Variants in ADARB1 observed in about 807,000 individuals in gnomAD.
The protein encoded by ADARB1 is double-stranded RNA-specific editase 1.
ADARB1 carries 10 observed loss-of-function variants against 52.4 expected under a neutral mutation model. The ratio of observed to expected loss-of-function variants is 0.19; its 90% CI spans 0.12 to 0.32. ADARB1 has a LOEUF of 0.32. ADARB1 is among the 10% of genes least tolerant of loss of function. The pLI is 1.00. For missense variants in ADARB1, 643 were observed against 922.3 expected, an observed-to-expected ratio of 0.70 and a Z score of 3.92; for synonymous variants, 349 against 371.1, an observed-to-expected ratio of 0.94 and a Z score of 0.68.
chr21:45,207,110 C>T (rs1053318329), intron 9 of ADARB1, among the ~76,000 whole-genome samples: 1 of 152,170 alleles, frequency 6.6e-6, no homozygotes, highest in African/African-American at 2.4e-5. Context: ...ACAAATGTGC[C>T]ACTGTCCTAT....
chr21:45,106,032 C>G (rs1277389191), intron 1 of ADARB1, among the ~76,000 whole-genome samples: 1 of 152,198 alleles, frequency 6.6e-6, no homozygotes, highest in Non-Finnish European at 1.5e-5. Context: ...TTTGTAAGAA[C>G]AAGCTACCCT....
chr21:45,226,516 A>C lies in ADARB1; in HGVS notation c.*4319A>C, dbSNP rs977156240. On this transcript the variant is annotated 3_prime_UTR_variant, in exon 11 of 11. Transcript: ENST00000348831. ...GAGCATGAGACGCTGTCAAATACAG[A>C]CAAAGGATTTGAGATGTTCTCAATA... 1.3e-5 allele frequency: 2 copies of C among 152,630 alleles called. No homozygotes were observed. 9.5% of individuals were successfully genotyped at this position (152,630 alleles called of 1,614,324 possible). A position where few individuals can be genotyped will look rare whatever the true frequency, so the allele number is the denominator to read the frequency against.
At chr21:45,129,605 C>T (rs923546444) in intron 2 of ADARB1, among the ~76,000 whole-genome samples, 1 of 152,258 alleles carries the variant, frequency 6.6e-6, no homozygotes, top group Non-Finnish European at 1.5e-5. Flanking sequence ...ATGTGAGCCG[C>T]TCACTGGACA....
intron 2 of ADARB1, among the ~76,000 whole-genome samples, chr21:45,159,627 C>T (rs1035083894): frequency 1.3e-5 from 2 of 152,160 alleles, no homozygotes; most frequent in Non-Finnish European, 2.9e-5. Flanking sequence ...GAGGGGTGGC[C>T]GCATCCCTCC....
intron 9 of ADARB1, among the ~76,000 whole-genome samples, chr21:45,206,337 C>T (rs1170928766): frequency 1.3e-5 from 2 of 152,100 alleles, no homozygotes; most frequent in Admixed American, 6.5e-5. Context: ...ATATCTCATC[C>T]GTAACTAAAA....
At chr21:45,144,276 TA>T (rs2089899797) in intron 2 of ADARB1, among the ~76,000 whole-genome samples, 1 of 152,238 alleles carries the variant, frequency 6.6e-6, no homozygotes, top group South Asian at 2.1e-4. Flanking sequence ...TTTCCTAAAT[TA>T]ATATTCTGGG....
chr21:45,158,996 A>AT (rs1312585099), intron 2 of ADARB1, among the ~76,000 whole-genome samples: 1 of 151,732 alleles, frequency 6.6e-6, no homozygotes, highest in Non-Finnish European at 1.5e-5. Flanking sequence ...AATAAAATTT[A>AT]TTTTTTTTCT....
At chr21:45,152,879 A>G (rs1040146566) in intron 2 of ADARB1, among the ~76,000 whole-genome samples, 2 of 147,852 alleles carry the variant, frequency 1.4e-5, no homozygotes, top group Non-Finnish European at 1.5e-5. Flanking sequence ...AATTTTAGAT[A>G]GGGGCACTTA....
At chr21:45,173,662 C>T (rs1430403600) in intron 3 of ADARB1, among the ~76,000 whole-genome samples, 1 of 150,376 alleles carries the variant, frequency 6.6e-6, no homozygotes, top group Non-Finnish European at 1.5e-5. Flanking sequence ...AAAATGTAAG[C>T]AGTAATCTAG....
rs1470472490 is a variant in ADARB1, at chr21:45,128,801, G to C, written c.-48+228G>C. On this transcript the variant is annotated intron_variant, in intron 2 of 10. Coordinates refer to ENST00000348831, the MANE Select transcript of ADARB1 (RefSeq NM_001112.4). This position sits in a 1 kb window ranked among gnomAD's most constrained non-coding sequence, Gnocchi z 4.6. The stretch of plus-strand genomic sequence containing the variant: ...CTGGGGTGGTGCCTGCTGCCCTCCA[G>C]TGGCATGTGTGGCACCTGCTGCCCT... Among the ~76,000 whole-genome samples, 1 of 152,028 alleles carries C rather than the reference G, an allele frequency of 6.6e-6. No homozygotes were observed. The highest frequency in any genetic ancestry group is 1.5e-5 in the Non-Finnish European group (1 of 68,012).
intron 9 of ADARB1, among the ~76,000 whole-genome samples, chr21:45,219,762 G>T (rs182206745): frequency 6.6e-6 from 1 of 152,140 alleles, no homozygotes; most frequent in African/African-American, 2.4e-5. Flanking sequence ...ATAAATAGGC[G>T]CTTTGTCATG....
At chr21:45,151,241 A>T (rs543683095) in intron 2 of ADARB1, among the ~76,000 whole-genome samples, 2 of 152,250 alleles carry the variant, frequency 1.3e-5, no homozygotes, top group Admixed American at 6.5e-5. Flanking sequence ...TTCCAGATAG[A>T]TGCTGAGGCA....
chr21:45,215,790 G>C (rs1256253762), intron 9 of ADARB1, among the ~76,000 whole-genome samples: 3 of 152,190 alleles, frequency 2.0e-5, no homozygotes, highest in African/African-American at 7.2e-5. Flanking sequence ...ATATTTGTCT[G>C]TAGGGATATT....
At chr21:45,121,724 T>TA (rs1400418892) in intron 1 of ADARB1, among the ~76,000 whole-genome samples, 2 of 152,176 alleles carry the variant, frequency 1.3e-5, no homozygotes, top group African/African-American at 2.4e-5. Flanking sequence ...CGTTAGTCAT[T>TA]ATAGCTATTA....
chr21:45,082,129 C>T (rs577661075), intron 1 of ADARB1, among the ~76,000 whole-genome samples: 74 of 152,278 alleles, frequency 4.9e-4, no homozygotes, highest in African/African-American at 1.6e-3. Flanking sequence ...GATGATGCCA[C>T]GTTCCAGAGG....
rs2093051188 is a variant in ADARB1, at chr21:45,225,829, G to T, written c.*3632G>T. 2 of 366,134 alleles carry T rather than the reference G, an allele frequency of 5.5e-6. No homozygotes were observed. Among genetic ancestry groups the T allele is most frequent in the Non-Finnish European group, 4.9e-6 (1 of 205,758 alleles). The allele number at this position is 366,134 out of a possible 1,614,324, so 22.7% of individuals were successfully genotyped here. On this transcript the variant is annotated 3_prime_UTR_variant, in exon 11 of 11. Transcript: ENST00000348831. ...ATCCCCACGCTGTGTAAGTGGAAAG[G>T]GCATTGTGTTCCGTGTGTGTCCAGT...
intron 9 of ADARB1, among the ~76,000 whole-genome samples, chr21:45,210,053 G>A (rs936390738): frequency 6.6e-6 from 1 of 152,198 alleles, no homozygotes; most frequent in African/African-American, 2.4e-5. Flanking sequence ...CCACTTCCCT[G>A]CACCACGGCC....
intron 1 of ADARB1, among the ~76,000 whole-genome samples, chr21:45,101,315 C>T (rs551566244): frequency 3.8e-4 from 58 of 152,300 alleles, no homozygotes; most frequent in African/African-American, 2.9e-4. Context: ...CGCAGCCCCG[C>T]GCCTGGCGCT....
At chr21:45,109,147 G>A (rs2087393863) in intron 1 of ADARB1, among the ~76,000 whole-genome samples, 1 of 151,336 alleles carries the variant, frequency 6.6e-6, no homozygotes, top group Non-Finnish European at 1.5e-5. Context: ...GTGTGTGTGT[G>A]CGCGCGTGTG....
Sources: gnomAD v4.1 joint callset for allele counts (sites outside exome capture counted in the v4.1 genomes callset) on GRCh38, gnomAD v4.1.1 for gene constraint, Gnocchi (gnomAD v3.1) non-coding constraint, MANE v1.5 for transcripts, NCBI Gene and HGNC (gene_info 2026-07-23, HGNC 2026-07-21) for gene names.